The following PCDH15 variants were observed in gnomAD, a reference collection of about 807,000 sequenced individuals.
PCDH15 encodes the protein protocadherin-15.
PCDH15 carries 129 observed loss-of-function variants against 178.5 expected under a neutral mutation model. The ratio of observed to expected loss-of-function variants is 0.72; its 90% CI spans 0.63 to 0.84. The LOEUF is 0.84. PCDH15 is among the 40% of genes least tolerant of loss of function. PCDH15 has a pLI of 0.00. For missense variants in PCDH15, 2,230 were observed against 2,099.9 expected (o/e 1.06, Z -1.21); for synonymous variants, 800 against 732.0 (o/e 1.09, Z -1.50).
chr10:54,925,207 TC>T lies in PCDH15; in HGVS notation c.-79-27708del, dbSNP rs146866204. ...ATCATTTATTAAATAAAAAATCCTT[TC>T]CTTGTTACTTGCTTTTGTTGACTTT... is the stretch of plus-strand genomic sequence containing the variant. On this transcript the variant is annotated intron_variant, in intron 2 of 5. Coordinates refer to the PCDH15 transcript ENST00000458638. Among the ~76,000 whole-genome samples the T allele has an allele frequency of 8.7e-3, 1,327 of 152,324 alleles. 15 individuals are homozygous for T. Among genetic ancestry groups the T allele is most frequent in the African/African-American group, 0.03 (1,237 of 41,584 alleles).
At chr10:54,425,279 A>G (rs1176347730) in intron 3 of PCDH15, among the ~76,000 whole-genome samples, 1 of 152,074 alleles carries the variant, frequency 6.6e-6, no homozygotes, top group Non-Finnish European at 1.5e-5. Context: ...TGAGTGGATT[A>G]ATGGGTTATC....
At chr10:55,009,092 AC>A (rs1312408766) in intron 2 of PCDH15, among the ~76,000 whole-genome samples, 5 of 152,160 alleles carry the variant, frequency 3.3e-5, no homozygotes, top group Non-Finnish European at 1.5e-5. Flanking sequence ...TCAGAACTAC[AC>A]ATAAAACAAA....
intron 3 of PCDH15, among the ~76,000 whole-genome samples, chr10:54,451,677 T>G (rs1403533137): frequency 1.3e-5 from 2 of 151,902 alleles, no homozygotes; most frequent in Non-Finnish European, 2.9e-5. Flanking sequence ...TTAATGGAAA[T>G]TATACAGTTA....
At chr10:55,045,735 A>C (rs1840986568) in intron 2 of PCDH15, among the ~76,000 whole-genome samples, 1 of 152,048 alleles carries the variant, frequency 6.6e-6, no homozygotes, top group African/African-American at 2.4e-5. Flanking sequence ...TGTTCTTATA[A>C]AGAACAGCTC....
chr10:54,830,943 G>C (rs1361882599), intron 3 of PCDH15, among the ~76,000 whole-genome samples: 1 of 151,716 alleles, frequency 6.6e-6, no homozygotes, highest in Non-Finnish European at 1.5e-5. Flanking sequence ...CTTCATAATG[G>C]AACAGTTAAC....
chr10:55,576,649 G>GA (rs1471655781), intron 2 of PCDH15, among the ~76,000 whole-genome samples: 32 of 151,568 alleles, frequency 2.1e-4, no homozygotes, highest in East Asian at 1.2e-3. Context: ...TGAACCATTA[G>GA]AAAAAAGTAG....
At chr10:55,274,648 G>A (rs1044105850) in intron 1 of PCDH15, among the ~76,000 whole-genome samples, 3 of 152,050 alleles carry the variant, frequency 2.0e-5, no homozygotes, top group Admixed American at 6.5e-5. Context: ...TTCTTATACC[G>A]TGTATTAAAA....
intron 2 of PCDH15, among the ~76,000 whole-genome samples, chr10:55,336,563 C>T (rs2132317142): frequency 6.6e-6 from 1 of 152,162 alleles, no homozygotes; most frequent in South Asian, 2.1e-4. Flanking sequence ...ATTCATAAAA[C>T]CTTTATTCCA....
At chr10:54,787,389 C>G (rs1212646168) in intron 1 of PCDH15, among the ~76,000 whole-genome samples, 2 of 151,720 alleles carry the variant, frequency 1.3e-5, no homozygotes, top group Non-Finnish European at 2.9e-5. Flanking sequence ...AAGTTTTGAA[C>G]TTGACTTTTT....
intron 2 of PCDH15, among the ~76,000 whole-genome samples, chr10:55,056,558 C>G (rs1435046318): frequency 2.0e-5 from 3 of 150,874 alleles, no homozygotes; most frequent in African/African-American, 7.3e-5. Flanking sequence ...CAATAAGACT[C>G]TGTTTGCTTC....
chr10:55,567,098 T>C (rs150388169), intron 2 of PCDH15, among the ~76,000 whole-genome samples: 1 of 152,034 alleles, frequency 6.6e-6, no homozygotes, highest in Non-Finnish European at 1.5e-5. Flanking sequence ...ACCGGTGTAA[T>C]AGGAAAGGTT....
intron 1 of PCDH15, among the ~76,000 whole-genome samples, chr10:55,173,892 A>G (rs1839409113): frequency 6.6e-6 from 1 of 152,086 alleles, no homozygotes; most frequent in Non-Finnish European, 1.5e-5. Flanking sequence ...AATACATTTA[A>G]TGTATATGAA....
intron 2 of PCDH15, among the ~76,000 whole-genome samples, chr10:55,548,341 T>TA (rs1222874271): frequency 1.3e-5 from 2 of 151,740 alleles, no homozygotes; most frequent in Non-Finnish European, 2.9e-5. Context: ...ACAGACATAA[T>TA]GGCAAGAAGA....
chr10:54,279,605 A>T (rs914497303), intron 8 of PCDH15, among the ~76,000 whole-genome samples: 4 of 149,396 alleles, frequency 2.7e-5, no homozygotes, highest in African/African-American at 4.9e-5. Context: ...TTCCTAACAA[A>T]TATTTCCAGA....
intron 25 of PCDH15, among the ~76,000 whole-genome samples, chr10:53,931,360 A>C (rs79932725): frequency 7.9e-5 from 12 of 152,228 alleles, no homozygotes; most frequent in Admixed American, 7.9e-4. Flanking sequence ...ACAAATTTGC[A>C]TACTGTTAGC....
intron 3 of PCDH15, among the ~76,000 whole-genome samples, chr10:54,405,675 T>C (rs1241743273): frequency 6.6e-6 from 1 of 151,254 alleles, no homozygotes; most frequent in Admixed American, 6.6e-5. Flanking sequence ...CATGTACTCC[T>C]GAACATAAAA....
chr10:54,738,288 A>G (rs1312347579), intron 1 of PCDH15, among the ~76,000 whole-genome samples: 2 of 152,124 alleles, frequency 1.3e-5, no homozygotes, highest in Non-Finnish European at 2.9e-5. Context: ...TTGAGAATAG[A>G]TTATAATGGG....
chr10:54,826,930 G>C (rs549574932), intron 3 of PCDH15, among the ~76,000 whole-genome samples: 9 of 152,140 alleles, frequency 5.9e-5, no homozygotes, highest in African/African-American at 2.2e-4. Flanking sequence ...TTGGGACATG[G>C]CACTTTGAAC....
intron 1 of PCDH15, among the ~76,000 whole-genome samples, chr10:55,228,431 G>C (rs1270537479): frequency 6.6e-6 from 1 of 151,798 alleles, no homozygotes; most frequent in Admixed American, 6.6e-5. Context: ...TATAAGCTTC[G>C]TAAGGACTGC....
Sources: allele counts gnomAD v4.1 joint callset (sites outside exome capture counted in the v4.1 genomes callset), GRCh38; gene constraint gnomAD v4.1.1; transcripts MANE v1.5; gene names NCBI Gene and HGNC (gene_info 2026-07-23, HGNC 2026-07-21).